The following LRRC7 variants were observed in gnomAD, a reference collection of about 807,000 sequenced individuals.
LRRC7 encodes leucine-rich repeat-containing protein 7.
A neutral mutation model predicts 175.7 loss-of-function variants in LRRC7; 23 were observed. The observed-to-expected ratio is 0.13, with a 90% confidence interval of 0.09 to 0.19. LRRC7 has a LOEUF of 0.19. Ranked by LOEUF, LRRC7 falls within the 10% of genes least tolerant of loss-of-function variation. LRRC7 has a pLI of 1.00. For missense variants in LRRC7, 1,354 were observed against 1,904.7 expected (o/e 0.71, Z 5.38); for synonymous variants, 685 against 680.9 (o/e 1.01, Z -0.09).
intron 1 of LRRC7, among the ~76,000 whole-genome samples, chr1:69,623,675 C>T (rs755294479): frequency 1.3e-5 from 2 of 151,846 alleles, no homozygotes; most frequent in African/African-American, 2.4e-5. Flanking sequence ...CTCAGCCTCC[C>T]GCGTAGCTGG....
At chr1:69,571,878 T>C (rs1457562989) in intron 1 of LRRC7, among the ~76,000 whole-genome samples, 1 of 152,156 alleles carries the variant, frequency 6.6e-6, no homozygotes, top group Non-Finnish European at 1.5e-5. Context: ...TTCACACAAA[T>C]TATTTCATAG....
At chr1:69,765,675 G>T (rs1007369072) in intron 3 of LRRC7, among the ~76,000 whole-genome samples, 3 of 151,906 alleles carry the variant, frequency 2.0e-5, no homozygotes, top group African/African-American at 7.3e-5. Context: ...AAATTATTAA[G>T]GTATGCCTTC....
intron 7 of LRRC7, among the ~76,000 whole-genome samples, chr1:69,896,466 A>G (rs909682088): frequency 1.3e-5 from 2 of 152,136 alleles, no homozygotes; most frequent in Non-Finnish European, 2.9e-5. Context: ...GATTACACAG[A>G]TGGTCAGTAT....
intron 4 of LRRC7, among the ~76,000 whole-genome samples, chr1:69,819,615 G>T (rs1305716456): frequency 1.4e-5 from 2 of 141,108 alleles, no homozygotes; most frequent in African/African-American, 2.7e-5. Flanking sequence ...GTGTGTGTGT[G>T]TATCTGCATA....
At chr1:70,060,329 C>A (rs978997282) in intron 23 of LRRC7, among the ~76,000 whole-genome samples, 1 of 151,086 alleles carries the variant, frequency 6.6e-6, no homozygotes, top group African/African-American at 2.4e-5. Context: ...CAACCCCACC[C>A]CCCCAAAAAA....
At chr1:70,003,211 A>C (rs1009027776) in intron 11 of LRRC7, among the ~76,000 whole-genome samples, 1 of 152,120 alleles carries the variant, frequency 6.6e-6, no homozygotes, top group Admixed American at 6.6e-5. Flanking sequence ...AAAGGCATTA[A>C]TCCCATCATG....
intron 1 of LRRC7, among the ~76,000 whole-genome samples, chr1:69,617,625 G>T (rs1389877462): frequency 1.4e-5 from 2 of 145,550 alleles, no homozygotes; most frequent in East Asian, 4.2e-4. Context: ...TGGAGGAAAT[G>T]ATTTTGTCTG....
At chr1:69,931,665 C>A in intron 8 of LRRC7, 95 bp downstream of exon 8, 1 of 957,704 alleles carries the variant, frequency 1.0e-6, no homozygotes, top group South Asian at 1.5e-5. Flanking sequence ...CTTGATTGCA[C>A]GTTTGCATTT....
At chr1:69,712,235 A>AAC (rs57948269) in intron 2 of LRRC7, among the ~76,000 whole-genome samples, 15,819 of 150,602 alleles carry the variant, frequency 0.11, 935 homozygotes, top group African/African-American at 0.16. Context: ...TGAGAAAAAG[A>AAC]ACACACACAC....
Position 69,942,157 on chromosome 1 carries a change from T to A in LRRC7, c.711+10587T>A, listed in dbSNP as rs577831081. Among the ~76,000 whole-genome samples, 4 of 152,180 alleles carry A rather than the reference T, an allele frequency of 2.6e-5. No individual in the cohort carries two copies. In the South Asian group the frequency reaches 8.3e-4, roughly 32 times the overall value. On this transcript the variant is annotated intron_variant, in intron 8 of 26. Transcript: ENST00000651989. ...GCAGTAGGAGGATTTCCAGAAGCCA[T>A]TTCTAAATAAAATGGCTAGCTAGCA...
intron 4 of LRRC7, among the ~76,000 whole-genome samples, chr1:69,808,291 A>G (rs2101127343): frequency 6.6e-6 from 1 of 152,020 alleles, no homozygotes; most frequent in East Asian, 1.9e-4. Context: ...CAGAGACATA[A>G]GACACCTACA....
At chr1:69,772,276 T>A (rs1672329515) in intron 3 of LRRC7, among the ~76,000 whole-genome samples, 1 of 152,090 alleles carries the variant, frequency 6.6e-6, no homozygotes, top group Non-Finnish European at 1.5e-5. Flanking sequence ...CCATGCAAGA[T>A]CATGCAAGAT....
intron 24 of LRRC7, among the ~76,000 whole-genome samples, chr1:70,086,665 G>C (rs1045890296): frequency 1.3e-5 from 2 of 152,046 alleles, no homozygotes; most frequent in African/African-American, 2.4e-5. Flanking sequence ...GACTGAGATG[G>C]GAGGCAGAGG....
chr1:69,980,615 G>A (rs940884172), intron 9 of LRRC7, among the ~76,000 whole-genome samples, 162 bp downstream of exon 9: 2 of 149,982 alleles, frequency 1.3e-5, no homozygotes, highest in Non-Finnish European at 3.0e-5. Flanking sequence ...TTTTTTTTTA[G>A]TATTTTATGT....
In LRRC7 at chr1:69,781,753, GAGAGAGAGAGAGAA is replaced by G. The variant is rs1204764867; in HGVS notation, c.304-10286_304-10273del. Among the ~76,000 whole-genome samples, 16 of 47,486 alleles carry G rather than the reference GAGAGAGAGAGAGAA, an allele frequency of 3.4e-4. 3 individuals carry two copies. The highest frequency in any genetic ancestry group is 2.0e-3 in the African/African-American group (15 of 7,514). 31.2% of individuals were successfully genotyped at this position (47,486 alleles called of 152,430 possible). ...AAAGAAAGAGAGAGAGAGAGAGAGA[GAGAGAGAGAGAGAA>G]AGAAAGAAAGAAAGAAAGAAAGGAA... is the stretch of plus-strand genomic sequence containing the variant. On this transcript the variant is annotated intron_variant, in intron 3 of 26. Coordinates refer to ENST00000651989, the MANE Select transcript of LRRC7 (RefSeq NM_001370785.2).
chr1:69,802,743 G>C (rs1459568737), intron 4 of LRRC7, among the ~76,000 whole-genome samples: 3 of 151,136 alleles, frequency 2.0e-5, no homozygotes, highest in Non-Finnish European at 4.5e-5. Context: ...TTGTGAGGTT[G>C]TTTTTCCTGT....
In LRRC7 at chr1:69,808,297, C is replaced by T. The variant is rs12037833; in HGVS notation, c.421+16137C>T. Among the ~76,000 whole-genome samples, 3 of 151,444 alleles carry T rather than the reference C, an allele frequency of 2.0e-5. No homozygotes were observed. The South Asian group carries it at 6.3e-4, about 32-fold the overall frequency. ...AAACCTACACAGAGACATAAGACACCTACACAATAATAGGGAGAGACTTTA... is the reference window on the plus strand; with the variant it reads ...AAACCTACACAGAGACATAAGACACTTACACAATAATAGGGAGAGACTTTA... On this transcript the variant is annotated intron_variant, in intron 4 of 26. Transcript: ENST00000651989.
chr1:69,999,415 GA>G (rs1003368839), intron 11 of LRRC7, among the ~76,000 whole-genome samples: 1 of 152,034 alleles, frequency 6.6e-6, no homozygotes, highest in Non-Finnish European at 1.5e-5. Flanking sequence ...CACAAAGCCA[GA>G]AAAAAATACT....
At chr1:69,975,954 T>C (rs1557948362) in intron 8 of LRRC7, among the ~76,000 whole-genome samples, 1 of 152,176 alleles carries the variant, frequency 6.6e-6, no homozygotes, top group Non-Finnish European at 1.5e-5. Context: ...AGTGTCTTCA[T>C]GTCAGCTTTC....
Sources: gnomAD v4.1 joint callset for allele counts (sites outside exome capture counted in the v4.1 genomes callset) on GRCh38, gnomAD v4.1.1 for gene constraint, MANE v1.5 for transcripts, NCBI Gene and HGNC (gene_info 2026-07-23, HGNC 2026-07-21) for gene names.